The following AKR1D1 variants were observed in gnomAD, a reference collection of about 807,000 sequenced individuals.
AKR1D1 encodes the protein delta(4)-3-ketosteroid 5-beta-reductase.
AKR1D1 carries 32 observed loss-of-function variants against 42.6 expected under a neutral mutation model. The observed-to-expected ratio is 0.75, with a 90% confidence interval of 0.57 to 1.01. The LOEUF (loss-of-function observed/expected upper bound fraction) is 1.01, where lower values mean the gene tolerates loss of function less well. AKR1D1 is among the 50% of genes least tolerant of loss of function. The probability of loss-of-function intolerance (pLI) is 0.00; values close to 1 mark genes in which losing one functional copy is unlikely to be tolerated. For missense variants in AKR1D1, 364 were observed against 402.2 expected (o/e 0.91, Z 0.81); for synonymous variants, 123 against 135.5 (o/e 0.91, Z 0.64).
intron 7 of AKR1D1, among the ~76,000 whole-genome samples, chr7:138,107,856 T>G (rs1794464401): frequency 6.6e-6 from 1 of 152,174 alleles, no homozygotes; most frequent in Non-Finnish European, 1.5e-5. Flanking sequence ...AAATTTTTTT[T>G]TTGTTTGTTT....
At chr7:138,115,957 G>T (rs940500416) in intron 8 of AKR1D1, among the ~76,000 whole-genome samples, 2 of 152,268 alleles carry the variant, frequency 1.3e-5, no homozygotes, top group East Asian at 3.9e-4. Context: ...ACTGGGTGTG[G>T]TGGCTCACAC....
intron 4 of AKR1D1, among the ~76,000 whole-genome samples, chr7:138,102,499 G>C (rs569478438): frequency 6.6e-6 from 1 of 152,168 alleles, no homozygotes; most frequent in Admixed American, 6.5e-5. Flanking sequence ...GACCTGGTAG[G>C]TTGAGGCTGC....
intron 5 of AKR1D1, among the ~76,000 whole-genome samples, chr7:138,106,325 G>GA (rs1256819191): frequency 2.6e-5 from 4 of 151,932 alleles, no homozygotes; most frequent in Non-Finnish European, 1.5e-5. Flanking sequence ...GTTCATAATG[G>GA]AAAAAAATGG....
chr7:138,113,214 A>T (rs2117474246), intron 7 of AKR1D1, among the ~76,000 whole-genome samples: 1 of 152,078 alleles, frequency 6.6e-6, no homozygotes, highest in South Asian at 2.1e-4. Flanking sequence ...TACTTGGGAA[A>T]CTGAGGCATG....
intron 7 of AKR1D1, among the ~76,000 whole-genome samples, chr7:138,108,085 C>T (rs1364835414): frequency 1.3e-5 from 2 of 152,178 alleles, no homozygotes; most frequent in African/African-American, 4.8e-5. Flanking sequence ...GTCAACTTTC[C>T]ACCTTCTTAA....
rs186141310 is a variant in AKR1D1 at position 138,115,054 on chromosome 7, C to T, written c.938+1282C>T. Among the ~76,000 whole-genome samples, 84 of 152,282 alleles carry T rather than the reference C, an allele frequency of 5.5e-4. 2 individuals carry two copies. The highest frequency in any genetic ancestry group is 5.5e-3 in the Admixed American group (84 of 15,296). On this transcript the variant is annotated intron_variant, in intron 8 of 8. Transcript: ENST00000242375. ...TCAAGAACAAAAGAGTAAACATAAA[C>T]ACATAAATAACACTTTCCTAGAACT...
chr7:138,093,135 C>A (rs568067329), intron 3 of AKR1D1, among the ~76,000 whole-genome samples: 1 of 148,048 alleles, frequency 6.8e-6, no homozygotes, highest in African/African-American at 2.5e-5. Context: ...GTGGTGCCAT[C>A]TCGGCTCACT....
At chr7:138,110,233 A>C (rs181072837) in intron 7 of AKR1D1, among the ~76,000 whole-genome samples, 5 of 152,316 alleles carry the variant, frequency 3.3e-5, no homozygotes, top group Non-Finnish European at 7.3e-5. Context: ...AGATCAATAA[A>C]GCATAAAGAA....
chr7:138,078,203 C>T (rs1437383153), intron 1 of AKR1D1, among the ~76,000 whole-genome samples: 2 of 152,136 alleles, frequency 1.3e-5, no homozygotes, highest in African/African-American at 4.8e-5. Flanking sequence ...TTCAAGCGAT[C>T]CGCCCGCCTC....
At chr7:138,080,698 T>C (rs1357062076) in intron 1 of AKR1D1, among the ~76,000 whole-genome samples, 1 of 152,228 alleles carries the variant, frequency 6.6e-6, no homozygotes, top group East Asian at 1.9e-4. Flanking sequence ...GTTATGCTCT[T>C]TGGATACCAC....
chr7:138,079,116 G>A (rs1803001220), intron 1 of AKR1D1, among the ~76,000 whole-genome samples: 2 of 152,154 alleles, frequency 1.3e-5, no homozygotes, highest in Non-Finnish European at 1.5e-5. Flanking sequence ...ACAGGCGTGA[G>A]CCATGACACC....
At chr7:138,091,687 G>T in intron 2 of AKR1D1, 81 bp from the exon 3 acceptor site, 1 of 1,100,704 alleles carries the variant, frequency 9.1e-7, no homozygotes. Context: ...ATGTGTACGA[G>T]TGTTTTACAA....
Position 138,106,716 on chromosome 7 carries a change from T to C in AKR1D1, c.688T>C (p.Trp230Arg). The change falls in exon 6 of 9, where the codon TGG (tryptophan) becomes CGG (arginine). Residue 230 changes from tryptophan to arginine, a missense_variant and splice_region_variant. Physicochemically the swap from Trp to Arg is moderately radical, Grantham distance 101. Coordinates refer to ENST00000242375, the MANE Select transcript of AKR1D1 (RefSeq NM_005989.4). ...SPLGTSRNPI[W>R]VNVSSPPLLK... ...TTTGGGGACCAGTAGGAATCCAATC[T>C]GGTAAGTAAAACTTTAGGAAGCATT... 5 of 1,598,304 alleles carry C rather than the reference T, an allele frequency of 3.1e-6. No individual in the cohort carries two copies. In the East Asian group the frequency reaches 1.1e-4, roughly 36 times the overall value.
intron 4 of AKR1D1, among the ~76,000 whole-genome samples, chr7:138,100,140 C>G (rs1368202674): frequency 5.6e-5 from 5 of 88,680 alleles, no homozygotes; most frequent in Non-Finnish European, 1.2e-4. Context: ...AATGTTAAAA[C>G]TTCCAGAGCA....
intron 7 of AKR1D1, among the ~76,000 whole-genome samples, chr7:138,107,855 T>G (rs139755528): frequency 5.0e-4 from 76 of 152,314 alleles, no homozygotes; most frequent in East Asian, 1.5e-3. Context: ...TAAATTTTTT[T>G]TTTGTTTGTT....
In AKR1D1 at chr7:138,088,841, C is replaced by CATGT. The variant is rs1554389871; in HGVS notation, c.261+73_261+74insATGT. The CATGT allele has an allele frequency of 1.9e-5, 23 of 1,230,720 alleles. No homozygotes were observed. The Admixed American group carries it at 2.5e-4, about 13-fold the overall frequency. 76.2% of individuals were successfully genotyped at this position (1,230,720 alleles called of 1,614,324 possible). ...GTTGTTCATTTTATTATTCATCTTCCGTGTGTGTGTGTGTGTAATTGCACT... is the reference window on the plus strand; with the variant it reads ...GTTGTTCATTTTATTATTCATCTTCCATGTGTGTGTGTGTGTGTGTAATTGCACT... On this transcript the variant is annotated intron_variant, in intron 2 of 8. Coordinates refer to ENST00000242375, the MANE Select transcript of AKR1D1 (RefSeq NM_005989.4).
intron 8 of AKR1D1, among the ~76,000 whole-genome samples, chr7:138,115,139 A>G (rs1329679542): frequency 6.6e-6 from 1 of 152,186 alleles, no homozygotes; most frequent in Non-Finnish European, 1.5e-5. Flanking sequence ...AATCAATAAT[A>G]TATCATTAAG....
At chr7:138,112,827 T>A (rs1224374216) in intron 7 of AKR1D1, among the ~76,000 whole-genome samples, 1 of 150,122 alleles carries the variant, frequency 6.7e-6, no homozygotes, top group African/African-American at 2.4e-5. Context: ...TAAAAGGAAG[T>A]GAAAAAATAT....
chr7:138,093,137 C>A (rs868786086), intron 3 of AKR1D1, among the ~76,000 whole-genome samples: 1 of 149,490 alleles, frequency 6.7e-6, no homozygotes, highest in Non-Finnish European at 1.5e-5. Flanking sequence ...GGTGCCATCT[C>A]GGCTCACTGC....
Sources: gnomAD v4.1 joint callset for allele counts (sites outside exome capture counted in the v4.1 genomes callset) on GRCh38, gnomAD v4.1.1 for gene constraint, MANE v1.5 for transcripts, NCBI Gene and HGNC (gene_info 2026-07-23, HGNC 2026-07-21) for gene names.